DCN: variants seen among roughly 807,000 people sequenced by gnomAD.
DCN encodes bone proteoglycan II.
DCN carries 17 observed loss-of-function variants against 36.5 expected under a neutral mutation model. That is an observed-to-expected ratio of 0.47 (90% CI 0.32 to 0.70). The LOEUF is 0.70. Among genes scored for constraint, DCN ranks in the 30% least tolerant of loss-of-function variants. The pLI is 0.04. For missense variants in DCN, 389 were observed against 430.1 expected (o/e 0.90, Z 0.84); for synonymous variants, 163 against 161.4 (o/e 1.01, Z -0.07).
intron 7 of DCN, among the ~76,000 whole-genome samples, chr12:91,148,073 CTTT>C (rs201463809): frequency 0.1 from 14,337 of 140,594 alleles, 891 homozygotes; most frequent in African/African-American, 0.18. Flanking sequence ...ACAACAAGGT[CTTT>C]TTTTTTTTTT....
At chr12:91,151,885 T>A in intron 6 of DCN, 93 bp from the exon 7 acceptor site, 1 of 1,499,522 alleles carries the variant, frequency 6.7e-7, no homozygotes, top group Non-Finnish European at 9.2e-7. Context: ...GGAAAGGACA[T>A]TTTTTGTTTT....
rs754333573 is a variant in DCN at position 91,164,670 on chromosome 12, C to T, written c.259G>A (p.Asp87Asn). 12 of 1,613,320 alleles carry T rather than the reference C, an allele frequency of 7.4e-6. No homozygotes were observed. The highest frequency in any genetic ancestry group is 9.3e-6 in the Non-Finnish European group (11 of 1,179,342). ...KDLPPDTTLL[D>N]LQNNKITEIK... ...TCGGTTATTTTGTTGTTTTGCAGGT[C>T]TAGCAGAGTTGTGTCAGGGGGAAGA... The change falls in exon 3 of 8, where the codon GAC becomes AAC. Residue 87 changes from aspartate (D) to asparagine (N), a missense_variant. Physicochemically the swap from Asp to Asn is conservative, Grantham distance 23. Coordinates refer to ENST00000052754, the MANE Select transcript of DCN (RefSeq NM_001920.5).
intron 7 of DCN, among the ~76,000 whole-genome samples, chr12:91,147,339 AGACCTTCCCT>A (rs1881091980): frequency 6.6e-6 from 1 of 152,212 alleles, no homozygotes; most frequent in South Asian, 2.1e-4. Context: ...CTTACCAGAG[AGACCTTCCCT>A]GACCATCCCA....
In DCN at chr12:91,141,476, T is replaced by A. The variant is rs551908470; in HGVS notation, c.*4582A>T. On this transcript the variant is annotated 3_prime_UTR_variant, in exon 8 of 8. Coordinates refer to ENST00000052754, the MANE Select transcript of DCN (RefSeq NM_001920.5). ...CCCTTCACATCCCTTATTCCCCAGT[T>A]CTGCTTGACATTCCTCCACTTTAAT... 2.6e-5 allele frequency: 4 copies of A among 152,158 alleles called. No individual in the cohort carries two copies. The South Asian group carries it at 8.3e-4, about 32-fold the overall frequency. The allele number at this position is 152,158 out of a possible 1,614,324, so 9.4% of individuals were successfully genotyped here.
rs1053351500 is a variant in DCN, at chr12:91,142,953, A to G, written c.*3105T>C. On this transcript the variant is annotated 3_prime_UTR_variant, in exon 8 of 8. Coordinates refer to ENST00000052754, the MANE Select transcript of DCN (RefSeq NM_001920.5). ...CCCCAATACCTGTGAGTCTGACTTCATTTGGAAATAGAGTCTTTGCAGATA... is the reference window on the plus strand; with the variant it reads ...CCCCAATACCTGTGAGTCTGACTTCGTTTGGAAATAGAGTCTTTGCAGATA... The G allele has an allele frequency of 6.6e-6, 1 of 152,228 alleles. No homozygotes were observed. Among genetic ancestry groups the G allele is most frequent in the African/African-American group, 2.4e-5 (1 of 41,456 alleles). 9.4% of individuals were successfully genotyped at this position (152,228 alleles called of 1,614,324 possible). A position where few individuals can be genotyped will look rare whatever the true frequency, so the allele number is the denominator to read the frequency against.
rs1360891568 is a variant in DCN at position 91,172,606 on chromosome 12, C to G, written c.211+5736G>C. The G allele has an allele frequency of 6.1e-6, 3 of 491,970 alleles. No individual in the cohort carries two copies. In the East Asian group the frequency reaches 1.1e-4, roughly 18 times the overall value. 30.5% of individuals were successfully genotyped at this position (491,970 alleles called of 1,614,324 possible). A position where few individuals can be genotyped will look rare whatever the true frequency, so the allele number is the denominator to read the frequency against. On this transcript the variant is annotated intron_variant, in intron 2 of 7. Transcript: ENST00000052754. ...GGAATTTCTAAGCTTCCTGGTTTTA[C>G]AGTTGTCCTTAAAGGGAAGGAGCAA...
At chr12:91,158,892 G>A (rs1176781536) in intron 3 of DCN, among the ~76,000 whole-genome samples, 1 of 152,030 alleles carries the variant, frequency 6.6e-6, no homozygotes, top group Non-Finnish European at 1.5e-5. Context: ...AACCTGGGAG[G>A]CAGAGGTTGC....
At chr12:91,152,300 C>CAT (rs139523647) in intron 6 of DCN, among the ~76,000 whole-genome samples, 2,689 of 146,480 alleles carry the variant, frequency 0.018, 48 homozygotes, top group Middle Eastern at 0.038. Context: ...CACACACATG[C>CAT]ATATATATAT....
chr12:91,153,806 A>G (rs1278868093), intron 5 of DCN, among the ~76,000 whole-genome samples: 1 of 152,100 alleles, frequency 6.6e-6, no homozygotes, highest in East Asian at 1.9e-4. Flanking sequence ...TCTATAATCA[A>G]GTGATCTGCC....
At chr12:91,165,092 A>G (rs1257532046) in intron 2 of DCN, among the ~76,000 whole-genome samples, 1 of 152,196 alleles carries the variant, frequency 6.6e-6, no homozygotes, top group Non-Finnish European at 1.5e-5. Flanking sequence ...GCAAATTTAT[A>G]CATTTTTACA....
intron 2 of DCN, among the ~76,000 whole-genome samples, chr12:91,178,066 G>T (rs992552968): frequency 6.6e-6 from 1 of 151,852 alleles, no homozygotes; most frequent in Non-Finnish European, 1.5e-5. Flanking sequence ...TAGAAGAAGG[G>T]ATATAAAGCT....
intron 2 of DCN, among the ~76,000 whole-genome samples, chr12:91,173,665 G>A (rs1434990139): frequency 6.6e-6 from 1 of 152,190 alleles, no homozygotes; most frequent in Non-Finnish European, 1.5e-5. Flanking sequence ...CACCCCTGCT[G>A]CTGCAGAGCC....
chr12:91,154,874 G>T (rs3138254), intron 5 of DCN, among the ~76,000 whole-genome samples: 2,597 of 152,168 alleles, frequency 0.017, 70 homozygotes, highest in African/African-American at 0.058. Context: ...CAAACCTGAG[G>T]TTATAGAAAT....
chr12:91,178,138 G>A (rs1883406861), intron 2 of DCN, among the ~76,000 whole-genome samples: 1 of 152,034 alleles, frequency 6.6e-6, no homozygotes, highest in Non-Finnish European at 1.5e-5. Flanking sequence ...AAAAGGAAGA[G>A]GGACAGAGAG....
At chr12:91,167,020 T>C (rs1882614472) in intron 2 of DCN, among the ~76,000 whole-genome samples, 1 of 152,226 alleles carries the variant, frequency 6.6e-6, no homozygotes, top group East Asian at 1.9e-4. Context: ...GGTAATCTCA[T>C]ACTTTCAATT....
intron 3 of DCN, among the ~76,000 whole-genome samples, chr12:91,160,808 G>A (rs3138300): frequency 0.012 from 1,839 of 152,010 alleles, 27 homozygotes; most frequent in Admixed American, 0.034. Context: ...TCAATTCAAA[G>A]AAAATATATT....
chr12:91,150,261 T>G (rs1328555572), intron 7 of DCN, among the ~76,000 whole-genome samples: 1 of 152,350 alleles, frequency 6.6e-6, no homozygotes, highest in African/African-American at 2.4e-5. Context: ...CTTACATTTA[T>G]GATCGAGTGA....
At chr12:91,182,055 G>A (rs1451098151) in intron 1 of DCN, among the ~76,000 whole-genome samples, 2 of 152,006 alleles carry the variant, frequency 1.3e-5, no homozygotes, top group Non-Finnish European at 2.9e-5. Context: ...TACTGACTGG[G>A]ACACTTTACA....
chr12:91,154,146 T>G (rs1592683802), intron 5 of DCN, among the ~76,000 whole-genome samples: 1 of 152,258 alleles, frequency 6.6e-6, no homozygotes, highest in East Asian at 1.9e-4. Flanking sequence ...TCTAAAATTT[T>G]TATCACATCA....
Sources: gnomAD v4.1 joint callset for allele counts (sites outside exome capture counted in the v4.1 genomes callset) on GRCh38, gnomAD v4.1.1 for gene constraint, MANE v1.5 for transcripts, NCBI Gene and HGNC (gene_info 2026-07-23, HGNC 2026-07-21) for gene names.